MDC1: variants seen among roughly 807,000 people sequenced by gnomAD.
MDC1 encodes mediator of DNA damage checkpoint protein 1.
Under a neutral mutation model 142.5 loss-of-function variants are expected in MDC1, and 81 were observed. The observed-to-expected ratio is 0.57, with a 90% CI of 0.47 to 0.68. The LOEUF (loss-of-function observed/expected upper bound fraction) is 0.68, where lower values mean the gene tolerates loss of function less well. Among genes scored for constraint, MDC1 ranks in the 30% least tolerant of loss-of-function variants. The pLI is 0.00. For missense variants in MDC1, 2,119 were observed against 2,547.9 expected, an observed-to-expected ratio of 0.83 and a Z score of 3.62; for synonymous variants, 797 against 968.4, an observed-to-expected ratio of 0.82 and a Z score of 3.29.
rs1404224362 is a variant in MDC1 at position 30,705,284 on chromosome 6, G to C, written c.3899C>G (p.Pro1300Arg). The change falls in exon 10 of 15, where the codon CCT becomes CGT. Residue 1300 changes from proline (P) to arginine (R), a missense_variant. Physicochemically the swap from Pro to Arg is moderately radical, Grantham distance 103 (BLOSUM62 -2). Coordinates refer to ENST00000376406, the MANE Select transcript of MDC1 (RefSeq NM_014641.3). Reference sequence around the variant, plus strand: ...CCGAGATGTGGGCTTGGGGGTGACAGGTCGGTCTGTGGAGGTGGAAGGCCG... The same window carrying C: ...CCGAGATGTGGGCTTGGGGGTGACACGTCGGTCTGTGGAGGTGGAAGGCCG... ...ELRPSTSTDR[P>R]VTPKPTSRTT... is the part of the protein sequence containing the mutation. 5.6e-6 allele frequency: 9 copies of C among 1,603,622 alleles called. No individual in the cohort carries two copies. Among genetic ancestry groups the C allele is most frequent in the Non-Finnish European group, 7.7e-6 (9 of 1,175,782 alleles).
In MDC1 at chr6:30,707,555, C is replaced by A. The variant is rs760640569; in HGVS notation, c.3013+11G>T. The A allele has an allele frequency of 1.9e-6, 3 of 1,612,314 alleles. No homozygotes were observed. The highest frequency in any genetic ancestry group is 2.5e-6 in the Non-Finnish European group (3 of 1,179,412). On this transcript the variant is annotated intron_variant, in intron 8 of 14. Coordinates refer to ENST00000376406, the MANE Select transcript of MDC1 (RefSeq NM_014641.3). The stretch of plus-strand genomic sequence containing the variant: ...GTGTATCACCTTGGGTTCCCCTCTG[C>A]CTTCACTTACCTTTCTGATGCCTCC...
At chr6:30,714,718 G>A (rs965127258) in intron 2 of MDC1, among the ~76,000 whole-genome samples, 1 of 152,012 alleles carries the variant, frequency 6.6e-6, no homozygotes, top group Non-Finnish European at 1.5e-5. Context: ...GTTTTGCTAT[G>A]CTACCCAGGC....
chr6:30,707,915 C>T lies in MDC1; in HGVS notation c.2664G>A (p.Glu888=). Residue 888 remains glutamate (E), a synonymous_variant, in exon 8 of 15, where the codon GAG becomes GAA. Coordinates refer to ENST00000376406, the MANE Select transcript of MDC1 (RefSeq NM_014641.3). ...ATGTCTCAATTTCTACCTTCAAACT[C>T]TCCCTATCTCTTTCAGGACTTGCAC... The part of the protein sequence containing the change: ...GESASPERDR[E]SLKVEIETSE... The T allele has an allele frequency of 6.2e-7, 1 of 1,613,084 alleles. No individual in the cohort carries two copies.
intron 7 of MDC1, among the ~76,000 whole-genome samples, chr6:30,710,867 C>T (rs1052066414): frequency 1.3e-5 from 2 of 152,150 alleles, no homozygotes; most frequent in African/African-American, 4.8e-5. Flanking sequence ...CTGATCTTCC[C>T]ATCCTGGCCT....
At position 30,716,892 on chromosome 6, in the gene MDC1, G is replaced by A; in HGVS notation, c.-4+353C>T. 1 of 983,952 alleles carries A rather than the reference G, an allele frequency of 1.0e-6. No homozygotes were observed. Among genetic ancestry groups the A allele is most frequent in the Non-Finnish European group, 1.2e-6 (1 of 828,582 alleles). The allele number at this position is 983,952 out of a possible 1,614,324, so 61.0% of individuals were successfully genotyped here. ...ATAAATGGAATTCACCTGAAAATAT[G>A]CCACTCTAGAGGGAAACTGTTGACA... On this transcript the variant is annotated intron_variant, in intron 1 of 14. Transcript: ENST00000376406. This position sits in a 1 kb window ranked among gnomAD's most constrained non-coding sequence, Gnocchi z 4.4.
chr6:30,717,155 G>C (rs73422050), intron 1 of MDC1, 90 bp downstream of exon 1: 3,865 of 152,474 alleles, frequency 0.025, 99 homozygotes, highest in African/African-American at 0.058. Flanking sequence ...AGTCACCTCC[G>C]CCCAGTCGCA....
In MDC1 at chr6:30,705,848, G is replaced by A. The variant is rs28987085; in HGVS notation, c.3335C>T (p.Ser1112Phe). The change falls in exon 10 of 15, where the codon TCC (serine) becomes TTC (phenylalanine). Residue 1112 changes from serine to phenylalanine, a missense_variant. Ser to Phe is a radical substitution (Grantham distance 155). Transcript: ENST00000376406. ...HPKPKIRTRK[S>F]SRMTPFPATS... Reference sequence around the variant, plus strand: ...AGCTGGAAAGGGTGTCATTCTGGAGGACTTCCGAGTTCTAATTTTAGGCTT... The same window carrying A: ...AGCTGGAAAGGGTGTCATTCTGGAGAACTTCCGAGTTCTAATTTTAGGCTT... The A allele has an allele frequency of 0.016, 25,748 of 1,611,156 alleles. 372 individuals are homozygous for A. The highest frequency in any genetic ancestry group is 0.061 in the Middle Eastern group (366 of 6,042).
rs2127692927 is a variant in MDC1, at chr6:30,707,792, A to G, written c.2787T>C (p.Asp929=). The part of the protein sequence containing the change: ...VERPVANREC[D]PAELEEKVPK... ...GCACCTTCTCTTCTAACTCGGCTGG[A>G]TCGCACTCTCTGTTTGCTACTGGTC... is the stretch of plus-strand genomic sequence containing the variant. The change falls in exon 8 of 15, where the codon GAT becomes GAC. Residue 929 remains aspartate (D), a synonymous_variant. Coordinates refer to ENST00000376406, the MANE Select transcript of MDC1 (RefSeq NM_014641.3). The G allele has an allele frequency of 6.2e-7, 1 of 1,612,930 alleles. No homozygotes were observed. The highest frequency in any genetic ancestry group is 8.5e-7 in the Non-Finnish European group (1 of 1,180,018).
Position 30,708,250 on chromosome 6 carries a change from G to T in MDC1, c.2329C>A (p.Pro777Thr), listed in dbSNP as rs1297842399. ...ATTGCCCTAGGTGGAGACAGGCAAG[G>T]TCCATAGGCCTCAAGGTGCGTGTCA... ...PFDTHLEAYGPCLSPPRAIPG... is the reference protein window; with the variant it reads ...PFDTHLEAYGTCLSPPRAIPG... Residue 777 changes from proline (P) to threonine (T), a missense_variant, in exon 8 of 15, where the codon CCT (proline) becomes ACT (threonine). By Grantham distance (38) the Pro-to-Thr change is conservative. Coordinates refer to ENST00000376406, the MANE Select transcript of MDC1 (RefSeq NM_014641.3). The T allele has an allele frequency of 1.9e-6, 3 of 1,612,926 alleles. No homozygotes were observed. Among genetic ancestry groups the T allele is most frequent in the Non-Finnish European group, 2.5e-6 (3 of 1,180,036 alleles).
At position 30,712,801 on chromosome 6, in the gene MDC1, C is replaced by T. The variant is rs771015163; in HGVS notation, c.1141G>A (p.Glu381Lys). The T allele has an allele frequency of 8.1e-6, 13 of 1,612,932 alleles. No homozygotes were observed. Among genetic ancestry groups the T allele is most frequent in the South Asian group, 1.1e-5 (1 of 91,088 alleles). Residue 381 changes from glutamate (E) to lysine (K), a missense_variant, in exon 5 of 15, where the codon GAA (glutamate) becomes AAA (lysine). Glu to Lys is a moderately conservative substitution (Grantham distance 56). Coordinates refer to ENST00000376406, the MANE Select transcript of MDC1 (RefSeq NM_014641.3). This position sits in a 1 kb window ranked among gnomAD's most constrained non-coding sequence, Gnocchi z 4.7. ...ACAGCCTGTGGGGCCTTGCCTTCTT[C>T]CACATCTGTATCACTACCAGCCTGG... ...ESQAGSDTDV[E>K]EGKAPQAVPL...
rs1773205151 is a variant in MDC1 at position 30,703,754 on chromosome 6, C to T, written c.5429G>A (p.Ser1810Asn). Reference protein sequence around the residue: ...TPELQPKASQSRKRSLATMDS... With the variant: ...TPELQPKASQNRKRSLATMDS... ...CATGGTAGCTAAAGACCTCTTGCGG[C>T]TTTGAGAGGCCTTAGGCTGGAGCTC... The change falls in exon 10 of 15, where the codon AGC becomes AAC. Residue 1810 changes from serine to asparagine, a missense_variant. Transcript: ENST00000376406. The surrounding 1 kb of genome is among the most constrained non-coding windows in gnomAD (Gnocchi z 4.4). 17 of 1,549,088 alleles carry T rather than the reference C, an allele frequency of 1.1e-5. No individual in the cohort carries two copies. The highest frequency in any genetic ancestry group is 1.2e-5 in the Non-Finnish European group (14 of 1,151,920).
chr6:30,706,387 C>T (rs987059537), intron 9 of MDC1, among the ~76,000 whole-genome samples: 4 of 151,690 alleles, frequency 2.6e-5, no homozygotes, highest in East Asian at 1.9e-4. Context: ...TTTGGGAGGC[C>T]GAGGCGGGTG....
chr6:30,701,273 C>T (rs909621943), intron 14 of MDC1, among the ~76,000 whole-genome samples: 14 of 147,606 alleles, frequency 9.5e-5, no homozygotes, highest in Non-Finnish European at 1.3e-4. Context: ...TGGTGGTGTG[C>T]GCCTGTAGTC....
chr6:30,706,708 A>AGTCG (rs1291326898), intron 9 of MDC1, among the ~76,000 whole-genome samples: 1 of 146,862 alleles, frequency 6.8e-6, no homozygotes, highest in Non-Finnish European at 1.5e-5. Context: ...GAGGGAGGAG[A>AGTCG]GTCGCTTGAA....
At chr6:30,707,330 G>T in intron 9 of MDC1, 54 bp downstream of exon 9, 1 of 1,527,430 alleles carries the variant, frequency 6.5e-7, no homozygotes, top group Non-Finnish European at 9.1e-7. Context: ...AAAGAGCATT[G>T]GAGAAGATAT....
rs1271823858 is a variant in MDC1, at chr6:30,713,965, C to G, written c.355G>C (p.Glu119Gln). The change falls in exon 3 of 15, where the codon GAA becomes CAA. Residue 119 changes from glutamate to glutamine, a missense_variant. Transcript: ENST00000376406. This position sits in a 1 kb window ranked among gnomAD's most constrained non-coding sequence, Gnocchi z 4.9. ...PGVSHRLRDQ[E>Q]LILFADLLCQ... Reference sequence around the variant, plus strand: ...AGCAAGTCAGCAAAGAGAATCAATTCCTGGTCCCTCAGACGGTGACTCACC... The same window carrying G: ...AGCAAGTCAGCAAAGAGAATCAATTGCTGGTCCCTCAGACGGTGACTCACC... 5.0e-6 allele frequency: 8 copies of G among 1,613,024 alleles called. No homozygotes were observed. Among genetic ancestry groups the G allele is most frequent in the Admixed American group, 1.7e-5 (1 of 60,000 alleles).
chr6:30,711,347 A>G, intron 7 of MDC1, 65 bp downstream of exon 7: 2 of 1,420,034 alleles, frequency 1.4e-6, no homozygotes, highest in Non-Finnish European at 2.0e-6. Context: ...ATCCAGCCTG[A>G]GTGACAGAGG....
chr6:30,707,526 G>T (rs1296787619), intron 8 of MDC1, 40 bp downstream of exon 8: 10 of 1,612,830 alleles, frequency 6.2e-6, no homozygotes, highest in Non-Finnish European at 6.8e-6. Context: ...TTATCACGAG[G>T]CCTGTGTATC....
chr6:30,705,807 C>T lies in MDC1; in HGVS notation c.3376G>A (p.Glu1126Lys), dbSNP rs774559499. Residue 1126 changes from glutamate (E) to lysine (K), a missense_variant, in exon 10 of 15, where the codon GAG becomes AAG. Glu to Lys is a moderately conservative substitution (Grantham distance 56). Coordinates refer to ENST00000376406, the MANE Select transcript of MDC1 (RefSeq NM_014641.3). ...GCTGTGGAGGTGGAAGGGTGGGGCT[C>T]AGGGGCAGCAGAGGTAGCTGGAAAG... ...TPFPATSAAP[E>K]PHPSTSTAQP... 1.9e-6 allele frequency: 3 copies of T among 1,612,350 alleles called. No individual in the cohort carries two copies. The highest frequency in any genetic ancestry group is 2.5e-6 in the Non-Finnish European group (3 of 1,179,172).
Sources: gnomAD v4.1 joint callset for allele counts (sites outside exome capture counted in the v4.1 genomes callset) on GRCh38, gnomAD v4.1.1 for gene constraint, Gnocchi (gnomAD v3.1) non-coding constraint, MANE v1.5 for transcripts, NCBI Gene and HGNC (gene_info 2026-07-23, HGNC 2026-07-21) for gene names.